Variants in AGTR1 observed in about 807,000 individuals in gnomAD.
AGTR1 encodes the protein angiotensin II receptor type 1.
A neutral mutation model predicts 19.4 loss-of-function variants in AGTR1; 16 were observed. That is an observed-to-expected ratio of 0.82 (90% CI 0.56 to 1.25). AGTR1 has a LOEUF of 1.25. Ranked by LOEUF, AGTR1 falls within the 50% of genes most tolerant of loss-of-function variation. The pLI is 0.00. For missense variants in AGTR1, 373 were observed against 431.9 expected (o/e 0.86, Z 1.21); for synonymous variants, 153 against 154.9 (o/e 0.99, Z 0.09).
chr3:148,738,613 C>G (rs1237515177), intron 2 of AGTR1, among the ~76,000 whole-genome samples: 2 of 152,138 alleles, frequency 1.3e-5, no homozygotes, highest in Non-Finnish European at 2.9e-5. Flanking sequence ...TGAGGAAGAA[C>G]TAGTCATACC....
At chr3:148,712,022 G>A (rs1713014270) in intron 2 of AGTR1, among the ~76,000 whole-genome samples, 1 of 152,044 alleles carries the variant, frequency 6.6e-6, no homozygotes, top group African/African-American at 2.4e-5. Context: ...AAAATGCTAA[G>A]ATTACAGGCA....
At chr3:148,711,737 A>C (rs1712995053) in intron 2 of AGTR1, among the ~76,000 whole-genome samples, 1 of 152,084 alleles carries the variant, frequency 6.6e-6, no homozygotes, top group African/African-American at 2.4e-5. Context: ...AGAGATAGAT[A>C]GACAGACAGA....
At position 148,716,900 on chromosome 3, in the gene AGTR1, T is replaced by C. The variant is rs4681445; in HGVS notation, c.-48+8873T>C. On this transcript the variant is annotated intron_variant, in intron 2 of 2. Coordinates refer to ENST00000349243, the MANE Select transcript of AGTR1 (RefSeq NM_000685.5). This position sits in a 1 kb window ranked among gnomAD's most constrained non-coding sequence, Gnocchi z 4.7. ...GTCTGGTAGAGTCACAGAGTTAAGC[T>C]GTCATTCAGATCAGAAAAAATAAAA... 0.3 allele frequency among the ~76,000 whole-genome samples: 45,923 copies of C among 152,004 alleles called. 10,645 individuals carry two copies. Among genetic ancestry groups the C allele is most frequent in the African/African-American group, 0.65 (26,965 of 41,392 alleles).
chr3:148,718,955 C>T (rs1025737336), intron 2 of AGTR1, among the ~76,000 whole-genome samples: 1 of 152,196 alleles, frequency 6.6e-6, no homozygotes, highest in Non-Finnish European at 1.5e-5. Context: ...GTGTGCTCAG[C>T]TGTCTACTAG....
intron 2 of AGTR1, among the ~76,000 whole-genome samples, chr3:148,715,482 G>A (rs1402459925): frequency 2.0e-5 from 3 of 152,046 alleles, no homozygotes; most frequent in East Asian, 1.9e-4. Flanking sequence ...TCCCCCAAAC[G>A]GGTAGCTGCC....
At position 148,726,212 on chromosome 3, in the gene AGTR1, T is replaced by G. The variant is rs544391087; in HGVS notation, c.-47-14777T>G. ...TCCCTTGCTAAATCCTGCAGTCTAC[T>G]GATTTTTTTTTTTTTAGACGGAGTC... On this transcript the variant is annotated intron_variant, in intron 2 of 2. Coordinates refer to ENST00000349243, the MANE Select transcript of AGTR1 (RefSeq NM_000685.5). Among the ~76,000 whole-genome samples the G allele has an allele frequency of 6.9e-5, 9 of 131,266 alleles. No individual in the cohort carries two copies. The East Asian group carries it at 1.6e-3, about 23-fold the overall frequency. The allele number at this position is 131,266 out of a possible 152,430, so 86.1% of individuals were successfully genotyped here. A position where few individuals can be genotyped will look rare whatever the true frequency, so the allele number is the denominator to read the frequency against.
chr3:148,739,002 G>A (rs769772273), intron 2 of AGTR1, among the ~76,000 whole-genome samples: 13 of 152,156 alleles, frequency 8.5e-5, no homozygotes, highest in Non-Finnish European at 1.6e-4. Flanking sequence ...ACTTTAAACA[G>A]GCTCTCCCCA....
At chr3:148,733,135 G>A (rs1388957631) in intron 2 of AGTR1, among the ~76,000 whole-genome samples, 2 of 152,162 alleles carry the variant, frequency 1.3e-5, no homozygotes, top group African/African-American at 2.4e-5. Flanking sequence ...CAGTGAGTGG[G>A]AAAGCTAAAA....
intron 1 of AGTR1, among the ~76,000 whole-genome samples, chr3:148,707,086 A>G (rs1413124219): frequency 6.6e-6 from 1 of 152,112 alleles, no homozygotes; most frequent in Non-Finnish European, 1.5e-5. Flanking sequence ...TAAATAAACT[A>G]TGTGTGAGTA....
At chr3:148,729,364 CA>C (rs1714126588) in intron 2 of AGTR1, among the ~76,000 whole-genome samples, 1 of 152,210 alleles carries the variant, frequency 6.6e-6, no homozygotes, top group Non-Finnish European at 1.5e-5. Context: ...TTCCACTTCA[CA>C]ACCCAGAACG....
chr3:148,704,728 G>A (rs906197226), intron 1 of AGTR1, among the ~76,000 whole-genome samples: 6 of 152,148 alleles, frequency 3.9e-5, no homozygotes, highest in African/African-American at 7.2e-5. Context: ...GGATCTGTCC[G>A]AATATCTCCT....
At chr3:148,739,241 C>A (rs1400859863) in intron 2 of AGTR1, among the ~76,000 whole-genome samples, 1 of 152,052 alleles carries the variant, frequency 6.6e-6, no homozygotes, top group Non-Finnish European at 1.5e-5. Context: ...CACTGGTAGT[C>A]CCAGCTACTA....
chr3:148,735,103 G>A (rs553697810), intron 2 of AGTR1, among the ~76,000 whole-genome samples: 2 of 152,246 alleles, frequency 1.3e-5, no homozygotes, highest in South Asian at 4.1e-4. Context: ...CAGTGTGAAA[G>A]TCAGGACCAG....
At chr3:148,701,739 C>CCCATT (rs1222234088) in intron 1 of AGTR1, among the ~76,000 whole-genome samples, 2 of 152,102 alleles carry the variant, frequency 1.3e-5, no homozygotes, top group Non-Finnish European at 1.5e-5. Context: ...CCTATTATTA[C>CCCATT]AATGTGCCTT....
At chr3:148,731,854 C>T (rs752589313) in intron 2 of AGTR1, among the ~76,000 whole-genome samples, 1 of 152,282 alleles carries the variant, frequency 6.6e-6, no homozygotes, top group African/African-American at 2.4e-5. Flanking sequence ...AACTATAATG[C>T]ATACAAAACT....
At chr3:148,734,592 A>G (rs1162723918) in intron 2 of AGTR1, among the ~76,000 whole-genome samples, 1 of 152,244 alleles carries the variant, frequency 6.6e-6, no homozygotes, top group African/African-American at 2.4e-5. Flanking sequence ...TAATTTTAAT[A>G]AAATGTTTTG....
intron 1 of AGTR1, among the ~76,000 whole-genome samples, chr3:148,700,966 T>C (rs904460282): frequency 6.6e-6 from 1 of 152,230 alleles, no homozygotes; most frequent in Non-Finnish European, 1.5e-5. Flanking sequence ...AACAGTAAAT[T>C]TGATCGATTT....
intron 1 of AGTR1, among the ~76,000 whole-genome samples, chr3:148,702,489 A>C (rs1225132115): frequency 6.6e-6 from 1 of 152,218 alleles, no homozygotes; most frequent in Non-Finnish European, 1.5e-5. Flanking sequence ...GCCAAAGTAT[A>C]AAAATGGTCT....
At position 148,741,601 on chromosome 3, in the gene AGTR1, C is replaced by T. The variant is rs761847680; in HGVS notation, c.566C>T (p.Ser189Leu). ...GCTTTCCATTATGAGTCCCAAAATT[C>T]AACCCTCCCGATAGGGCTGGGCCTG... ...VCAFHYESQN[S>L]TLPIGLGLTK... The change falls in exon 3 of 3, where the codon TCA (serine) becomes TTA (leucine). Residue 189 changes from serine (S) to leucine (L), a missense_variant. Ser to Leu is a moderately radical substitution (Grantham distance 145). Coordinates refer to ENST00000349243, the MANE Select transcript of AGTR1 (RefSeq NM_000685.5). 2 of 1,614,080 alleles carry T rather than the reference C, an allele frequency of 1.2e-6. No homozygotes were observed. Among genetic ancestry groups the T allele is most frequent in the Non-Finnish European group, 1.7e-6 (2 of 1,179,960 alleles).
Sources: allele counts gnomAD v4.1 joint callset (sites outside exome capture counted in the v4.1 genomes callset), GRCh38; gene constraint gnomAD v4.1.1; non-coding constraint Gnocchi (gnomAD v3.1); transcripts MANE v1.5; gene names NCBI Gene and HGNC (gene_info 2026-07-23, HGNC 2026-07-21).